Variants in MAPT observed in about 807,000 individuals in gnomAD.
MAPT encodes the protein microtubule-associated protein tau.
In MAPT, 34 loss-of-function variants were observed where a neutral mutation model predicts 67.9. That is an observed-to-expected ratio of 0.50 (90% confidence interval 0.38 to 0.67). The LOEUF (loss-of-function observed/expected upper bound fraction) is 0.67, where lower values mean the gene tolerates loss of function less well. Ranked by LOEUF, MAPT falls within the 30% of genes least tolerant of loss-of-function variation. MAPT has a pLI of 0.00. For missense variants in MAPT, 881 were observed against 1,115.2 expected (o/e 0.79, Z 2.99); for synonymous variants, 456 against 464.5 (o/e 0.98, Z 0.23).
intron 1 of MAPT, among the ~76,000 whole-genome samples, chr17:45,957,356 G>A (rs374179816): frequency 1.3e-5 from 2 of 152,192 alleles, no homozygotes; most frequent in African/African-American, 4.8e-5. Flanking sequence ...CAGTGATGAT[G>A]AGCATTTTTT....
chr17:46,019,961 G>T (rs1285735049), intron 12 of MAPT, among the ~76,000 whole-genome samples: 1 of 150,288 alleles, frequency 6.7e-6, no homozygotes. Flanking sequence ...GTAGTGAGCC[G>T]AGATCGTGCC....
In MAPT at chr17:45,995,628, C is replaced by T. The variant is rs2074409122; in HGVS notation, c.1733-771C>T. 1.3e-5 allele frequency among the ~76,000 whole-genome samples: 2 copies of T among 152,178 alleles called. No homozygotes were observed. Among genetic ancestry groups the T allele is most frequent in the Admixed American group, 1.3e-4 (2 of 15,282 alleles). On this transcript the variant is annotated intron_variant, in intron 8 of 12. Transcript: ENST00000262410. This position sits in a 1 kb window ranked among gnomAD's most constrained non-coding sequence, Gnocchi z 4.3. ...TGCATGGAGAGGAGAAGAGACCCCC[C>T]AGCAGCTTCCAGGGTGTTGGAAGGG...
At chr17:46,016,491 G>T (rs1289643773) in intron 11 of MAPT, among the ~76,000 whole-genome samples, 3 of 152,168 alleles carry the variant, frequency 2.0e-5, no homozygotes, top group African/African-American at 7.2e-5. Context: ...AGTGCTGTCG[G>T]CCAGGCGCGG....
intron 1 of MAPT, among the ~76,000 whole-genome samples, chr17:45,903,452 G>A (rs905176070): frequency 6.6e-6 from 1 of 151,934 alleles, no homozygotes; most frequent in African/African-American, 2.4e-5. Flanking sequence ...GGGCGCGGTG[G>A]CTCACGCCTG....
chr17:45,904,335 A>C (rs1294632564), intron 1 of MAPT, among the ~76,000 whole-genome samples: 3 of 82,610 alleles, frequency 3.6e-5, no homozygotes, highest in South Asian at 2.7e-4. Flanking sequence ...TATATTATAT[A>C]TTATATATAT....
chr17:45,989,043 G>A (rs947977085), intron 6 of MAPT, among the ~76,000 whole-genome samples: 1 of 151,126 alleles, frequency 6.6e-6, no homozygotes, highest in Admixed American at 6.6e-5. Context: ...TTTCCAACTT[G>A]GGGGGGGCAC....
intron 3 of MAPT, chr17:45,973,402 C>T (rs1190701241): frequency 1.3e-5 from 2 of 152,202 alleles, no homozygotes; most frequent in Non-Finnish European, 2.9e-5. Context: ...GCTTCCCAAG[C>T]CTTGACTCTC....
chr17:46,006,080 C>T (rs1156968674), intron 9 of MAPT, among the ~76,000 whole-genome samples: 2 of 152,060 alleles, frequency 1.3e-5, no homozygotes, highest in Non-Finnish European at 2.9e-5. Flanking sequence ...CATTGAAACA[C>T]CAGAGAAGGA....
chr17:45,927,189 GTC>G (rs1327719046), intron 1 of MAPT, among the ~76,000 whole-genome samples: 1 of 152,120 alleles, frequency 6.6e-6, no homozygotes, highest in African/African-American at 2.4e-5. Flanking sequence ...AGGCATGCCA[GTC>G]TACCCCAAGC....
At position 45,991,492 on chromosome 17, in the gene MAPT, G is replaced by A. The variant is rs201046056; in HGVS notation, c.1638G>A (p.Pro546=). Residue 546 remains proline (P), a synonymous_variant, in exon 8 of 13, where the codon CCG becomes CCA. Coordinates refer to ENST00000262410, the MANE Select transcript of MAPT (RefSeq NM_001377265.1). ...GADGKTKIAT[P]RGAAPPGQKG... ...ATGGTAAAACGAAGATCGCCACACC[G>A]CGGGGAGCAGCCCCTCCAGGCCAGA... 1.2e-4 allele frequency: 197 copies of A among 1,614,190 alleles called. No homozygotes were observed. In the East Asian group the frequency reaches 2.8e-3, roughly 23 times the overall value.
At chr17:46,022,665 A>G (rs779404593) in intron 12 of MAPT, among the ~76,000 whole-genome samples, 1 of 152,216 alleles carries the variant, frequency 6.6e-6, no homozygotes, top group Non-Finnish European at 1.5e-5. Flanking sequence ...CTTCAGGGTC[A>G]TCAGGAATTG....
chr17:45,965,961 C>CT (rs1361112725), intron 2 of MAPT, among the ~76,000 whole-genome samples: 12 of 152,172 alleles, frequency 7.9e-5, no homozygotes, highest in African/African-American at 2.9e-4. Flanking sequence ...AGGTCCATGG[C>CT]TGCAGCCCCA....
chr17:45,926,497 A>G (rs1185791041), intron 1 of MAPT, among the ~76,000 whole-genome samples: 1 of 151,738 alleles, frequency 6.6e-6, no homozygotes, highest in Non-Finnish European at 1.5e-5. Context: ...TTTTATTTTT[A>G]GAGATGGTGT....
intron 8 of MAPT, chr17:45,994,002 G>C (rs2074278190): frequency 6.4e-7 from 1 of 1,552,484 alleles, no homozygotes; most frequent in Non-Finnish European, 8.7e-7. Flanking sequence ...ACTTCGCTGG[G>C]AGCAGCCTCC....
chr17:45,994,651 C>A (rs55736025), intron 8 of MAPT, among the ~76,000 whole-genome samples: 21,998 of 152,016 alleles, frequency 0.14, 2,115 homozygotes, highest in Non-Finnish European at 0.22. Context: ...AGTCAGACCC[C>A]GTCTCTATAA....
intron 2 of MAPT, among the ~76,000 whole-genome samples, chr17:45,966,772 T>C (rs1169273974): frequency 6.6e-6 from 1 of 152,224 alleles, no homozygotes. Flanking sequence ...AGAAGTTCTA[T>C]GCCAAAACAT....
At chr17:45,936,070 G>A (rs768661187) in intron 1 of MAPT, among the ~76,000 whole-genome samples, 6 of 152,350 alleles carry the variant, frequency 3.9e-5, no homozygotes, top group Admixed American at 1.3e-4. Flanking sequence ...GAAGCCATGC[G>A]TGTGGTAGAT....
chr17:45,948,231 C>A (rs1031677659), intron 1 of MAPT, among the ~76,000 whole-genome samples: 1 of 152,118 alleles, frequency 6.6e-6, no homozygotes, highest in African/African-American at 2.4e-5. Flanking sequence ...GTCTCGAACT[C>A]CTGGCCTCAA....
At chr17:45,902,772 T>A (rs1017536484) in intron 1 of MAPT, among the ~76,000 whole-genome samples, 2 of 152,226 alleles carry the variant, frequency 1.3e-5, no homozygotes, top group African/African-American at 4.8e-5. Context: ...CTTAGATCAA[T>A]GTCCAACACT....
Sources: allele counts gnomAD v4.1 joint callset (sites outside exome capture counted in the v4.1 genomes callset), GRCh38; gene constraint gnomAD v4.1.1; non-coding constraint Gnocchi (gnomAD v3.1); transcripts MANE v1.5; gene names NCBI Gene and HGNC (gene_info 2026-07-23, HGNC 2026-07-21).